Variants in TFDP2 observed in about 807,000 individuals in gnomAD.
TFDP2 encodes transcription factor Dp-2, also known as transcription factor Dp-2 (E2F dimerization partner 2).
In TFDP2, 17 loss-of-function variants were observed where a neutral mutation model predicts 59.3. The ratio of observed to expected loss-of-function variants is 0.29; its 90% confidence interval spans 0.20 to 0.43. The LOEUF is 0.43. TFDP2 is among the 20% of genes least tolerant of loss of function. The probability of loss-of-function intolerance (pLI) is 1.00; values close to 1 mark genes in which losing one functional copy is unlikely to be tolerated. For missense variants in TFDP2, 391 were observed against 528.8 expected (o/e 0.74, Z 2.56); for synonymous variants, 180 against 194.7 (o/e 0.92, Z 0.63).
At position 141,954,419 on chromosome 3, in the gene TFDP2, T is replaced by C. The variant is rs570129082; in HGVS notation, c.1052-1403A>G. On this transcript the variant is annotated intron_variant, in intron 11 of 12. Coordinates refer to ENST00000489671, the MANE Select transcript of TFDP2 (RefSeq NM_001178139.2). ...ACTTTGGGAGGCCAAGGCGGGCAGA[T>C]TGAGCTCAGGAGTTCGAGACCAGCC... Among the ~76,000 whole-genome samples the C allele has an allele frequency of 1.2e-4, 18 of 152,136 alleles. No individual in the cohort carries two copies. The South Asian group carries it at 1.7e-3, about 14-fold the overall frequency.
chr3:141,973,893 G>A (rs895026517), intron 8 of TFDP2, among the ~76,000 whole-genome samples, 155 bp downstream of exon 8: 8 of 151,812 alleles, frequency 5.3e-5, no homozygotes, highest in South Asian at 4.2e-4. Flanking sequence ...CCTATAAGGC[G>A]CCTTCCAATT....
rs1938631334 is a variant in TFDP2, at chr3:141,968,447, A to G, written c.732+1626T>C. On this transcript the variant is annotated intron_variant, in intron 9 of 12. Transcript: ENST00000489671. ...TCTCATATATAGATATATATAACAT[A>G]TATATCTCATATATAGATATATATA... Among the ~76,000 whole-genome samples the G allele has an allele frequency of 2.6e-5, 3 of 114,822 alleles. 1 individual carries two copies. In the South Asian group the frequency reaches 7.2e-4, roughly 27 times the overall value. The allele number at this position is 114,822 out of a possible 152,430, so 75.3% of individuals were successfully genotyped here.
chr3:142,149,116 AGG>A, intron 1 of TFDP2, 65 bp downstream of exon 1: 1 of 397,570 alleles, frequency 2.5e-6, no homozygotes, highest in Non-Finnish European at 4.4e-6. Context: ...AAACCTACCC[AGG>A]AACGCGCCCG....
chr3:142,058,325 T>G (rs1369843577), intron 3 of TFDP2, among the ~76,000 whole-genome samples: 2 of 152,020 alleles, frequency 1.3e-5, no homozygotes, highest in African/African-American at 2.4e-5. Context: ...TTGGGTTTTT[T>G]TTTTTTTTTT....
chr3:142,125,491 T>TACAC (rs199600921), intron 1 of TFDP2, among the ~76,000 whole-genome samples: 12 of 152,062 alleles, frequency 7.9e-5, no homozygotes, highest in South Asian at 6.2e-4. Context: ...ATCATACACA[T>TACAC]ACACACACAC....
intron 1 of TFDP2, among the ~76,000 whole-genome samples, chr3:142,120,210 A>C (rs2061998984): frequency 6.6e-6 from 1 of 150,606 alleles, no homozygotes; most frequent in African/African-American, 2.5e-5. Flanking sequence ...AAAATACAAA[A>C]AATTAGCTGG....
chr3:142,042,630 C>CTT (rs66981475), intron 3 of TFDP2, among the ~76,000 whole-genome samples: 6,022 of 107,998 alleles, frequency 0.056, 158 homozygotes, highest in Non-Finnish European at 0.084. Context: ...CTTTTCTTTT[C>CTT]TTTTTTTTTT....
At chr3:142,001,243 C>T (rs942230600) in intron 4 of TFDP2, among the ~76,000 whole-genome samples, 6 of 152,200 alleles carry the variant, frequency 3.9e-5, no homozygotes, top group Admixed American at 3.3e-4. Context: ...TGGCATCACT[C>T]AGACACTGCC....
At chr3:141,975,693 C>CCA (rs1940533660) in intron 7 of TFDP2, among the ~76,000 whole-genome samples, 2 of 96,038 alleles carry the variant, frequency 2.1e-5, no homozygotes, top group African/African-American at 7.7e-5. Flanking sequence ...GACTCTGTCT[C>CCA]AAAAAAAAAA....
intron 3 of TFDP2, among the ~76,000 whole-genome samples, chr3:142,064,447 A>G (rs1019608820): frequency 6.6e-6 from 1 of 152,160 alleles, no homozygotes; most frequent in Non-Finnish European, 1.5e-5. Context: ...CCCAACCTCC[A>G]AGCATACTAA....
intron 3 of TFDP2, among the ~76,000 whole-genome samples, chr3:142,086,917 A>C (rs2060824236): frequency 6.6e-6 from 1 of 152,186 alleles, no homozygotes; most frequent in Admixed American, 6.5e-5. Context: ...GGAAATCCTG[A>C]GGGATTTAGG....
intron 6 of TFDP2, among the ~76,000 whole-genome samples, chr3:141,980,238 T>TAA (rs199763613): frequency 4.1e-4 from 46 of 111,342 alleles, no homozygotes; most frequent in Admixed American, 2.4e-3. Context: ...GTTTCAAAAG[T>TAA]AAAAAAAAAA....
intron 3 of TFDP2, among the ~76,000 whole-genome samples, chr3:142,076,449 T>C (rs2060461047): frequency 6.6e-6 from 1 of 152,096 alleles, no homozygotes; most frequent in Non-Finnish European, 1.5e-5. Flanking sequence ...GAACAGCATA[T>C]GACTATTAAA....
intron 1 of TFDP2, among the ~76,000 whole-genome samples, chr3:142,109,648 G>A (rs370240674): frequency 7.6e-4 from 115 of 152,012 alleles, no homozygotes; most frequent in African/African-American, 2.7e-3. Context: ...TGTTTTGAAT[G>A]TCATTTTTCT....
intron 3 of TFDP2, among the ~76,000 whole-genome samples, chr3:142,069,400 C>T (rs1293622083): frequency 6.6e-6 from 1 of 152,142 alleles, no homozygotes. Flanking sequence ...TAAAGATTAA[C>T]TTTTATTTCC....
intron 2 of TFDP2, among the ~76,000 whole-genome samples, chr3:142,100,252 C>G (rs1321501081): frequency 6.6e-6 from 1 of 152,254 alleles, no homozygotes; most frequent in African/African-American, 2.4e-5. Context: ...TGCAACAACA[C>G]TTGCTTCTCC....
intron 3 of TFDP2, chr3:142,043,658 T>G: frequency 2.1e-6 from 2 of 972,428 alleles, no homozygotes; most frequent in South Asian, 1.3e-5. Flanking sequence ...GACAAAGTCT[T>G]GATGATCTCC....
chr3:141,978,619 A>G lies in TFDP2; in HGVS notation c.420T>C (p.Cys140=). Residue 140 remains cysteine (C), a synonymous_variant, in exon 7 of 13, where the codon TGT becomes TGC. Coordinates refer to ENST00000489671, the MANE Select transcript of TFDP2 (RefSeq NM_001178139.2). ...KGLRHFSMKV[C]EKVQRKGTTS... Reference sequence around the variant, plus strand: ...TTGTACCTTTTCGTTGAACTTTCTCACACACTTTCATTGAAAAGTGTCTCA... The same window carrying G: ...TTGTACCTTTTCGTTGAACTTTCTCGCACACTTTCATTGAAAAGTGTCTCA... The G allele has an allele frequency of 6.2e-7, 1 of 1,613,400 alleles. No homozygotes were observed.
chr3:141,948,577 GC>G lies in TFDP2; in HGVS notation c.*3935del, dbSNP rs993588381. On this transcript the variant is annotated 3_prime_UTR_variant, in exon 13 of 13. Coordinates refer to ENST00000489671, the MANE Select transcript of TFDP2 (RefSeq NM_001178139.2). ...AAAAGCTAAATAGGCTCCCCACCGT[GC>G]CCCCCTCTCTCAGTGTGGTTATGGC... is the stretch of plus-strand genomic sequence containing the variant. 3 of 150,988 alleles carry G rather than the reference GC, an allele frequency of 2.0e-5. No individual in the cohort carries two copies. Among genetic ancestry groups the G allele is most frequent in the Non-Finnish European group, 4.4e-5 (3 of 68,432 alleles). The allele number at this position is 150,988 out of a possible 1,614,324, so 9.4% of individuals were successfully genotyped here. A position where few individuals can be genotyped will look rare whatever the true frequency, so the allele number is the denominator to read the frequency against.
Sources: allele counts gnomAD v4.1 joint callset (sites outside exome capture counted in the v4.1 genomes callset), GRCh38; gene constraint gnomAD v4.1.1; transcripts MANE v1.5; gene names NCBI Gene and HGNC (gene_info 2026-07-23, HGNC 2026-07-21).